TRAK2: variants seen among roughly 807,000 people sequenced by gnomAD.
TRAK2 encodes the protein trafficking kinesin protein 2, also known as trafficking kinesin-binding protein 2.
A neutral mutation model predicts 104.6 loss-of-function variants in TRAK2; 81 were observed. The ratio of observed to expected loss-of-function variants is 0.77; its 90% CI spans 0.65 to 0.93. The LOEUF (loss-of-function observed/expected upper bound fraction) is 0.93. Among genes scored for constraint, TRAK2 ranks in the 40% least tolerant of loss-of-function variants. The probability of loss-of-function intolerance (pLI) is 0.00; values close to 1 mark genes in which losing one functional copy is unlikely to be tolerated. For missense variants in TRAK2, 1,002 were observed against 1,089.0 expected, an observed-to-expected ratio of 0.92 and a Z score of 1.12; for synonymous variants, 406 against 394.4, an observed-to-expected ratio of 1.03 and a Z score of -0.35.
At chr2:201,407,815 G>A (rs1028148513) in intron 2 of TRAK2, among the ~76,000 whole-genome samples, 3 of 151,110 alleles carry the variant, frequency 2.0e-5, no homozygotes, top group African/African-American at 7.3e-5. Flanking sequence ...AAGTAAAAAT[G>A]ATGGCATACA....
rs1450140983 is a variant in TRAK2 at position 201,407,523 on chromosome 2, G to A, written c.166C>T (p.Leu56=). Residue 56 remains leucine, a synonymous_variant, in exon 3 of 16, where the codon CTA becomes TTA. Coordinates refer to ENST00000332624, the MANE Select transcript of TRAK2 (RefSeq NM_015049.3). The part of the protein sequence containing the change: ...LLEEQLPQYR[L]KVDTLFLYEN... ...TATAGAAAGAGAGTGTCTACTTTTAGCCTATACTGTGGTAGTTGTTCTTCT... is the reference window on the plus strand; with the variant it reads ...TATAGAAAGAGAGTGTCTACTTTTAACCTATACTGTGGTAGTTGTTCTTCT... 6.2e-7 allele frequency: 1 copy of A among 1,613,986 alleles called. No homozygotes were observed. The highest frequency in any genetic ancestry group is 1.3e-5 in the African/African-American group (1 of 74,910).
chr2:201,437,344 C>T (rs1253426661), intron 1 of TRAK2, among the ~76,000 whole-genome samples: 2 of 152,132 alleles, frequency 1.3e-5, no homozygotes, highest in African/African-American at 4.8e-5. Flanking sequence ...CTCCTTCTCT[C>T]CTCTGGAATC....
chr2:201,410,945 A>G (rs1299729847), intron 2 of TRAK2: 4 of 1,571,708 alleles, frequency 2.5e-6, no homozygotes, highest in Non-Finnish European at 3.5e-6. Context: ...TGCTTGGACT[A>G]CTGTAGAAGT....
chr2:201,394,281 A>C (rs1951477134), intron 9 of TRAK2, among the ~76,000 whole-genome samples: 1 of 152,104 alleles, frequency 6.6e-6, no homozygotes, highest in Non-Finnish European at 1.5e-5. Context: ...CTATTAATCA[A>C]GAAGGATGTT....
intron 2 of TRAK2, chr2:201,411,999 G>A: frequency 1.0e-6 from 1 of 977,174 alleles, no homozygotes; most frequent in African/African-American, 1.6e-5. Flanking sequence ...ATCTCATTGG[G>A]AGGGGTTTTG....
In TRAK2 at chr2:201,424,632, T is replaced by C. The variant is rs578125435; in HGVS notation, c.-199-3926A>G. ...TTTTTTTTGTTTTTGAGACAGAGTC[T>C]CACTCTTTCGCCCAGGCCGGACTGC... is the stretch of plus-strand genomic sequence containing the variant. On this transcript the variant is annotated intron_variant, in intron 1 of 15. Transcript: ENST00000332624. Among the ~76,000 whole-genome samples the C allele has an allele frequency of 2.5e-3, 374 of 151,634 alleles. 2 individuals are homozygous for C. The highest frequency in any genetic ancestry group is 8.4e-3 in the African/African-American group (345 of 41,316).
rs553222487 is a variant in TRAK2, at chr2:201,384,947, T to A, written c.1964-731A>T. ...CTTGTGCAACTGATTTGAAATTTTC[T>A]CATGGAATACCATTTTTACTTGAAA... On this transcript the variant is annotated intron_variant, in intron 14 of 15. Transcript: ENST00000332624. Among the ~76,000 whole-genome samples, 7 of 152,312 alleles carry A rather than the reference T, an allele frequency of 4.6e-5. No individual in the cohort carries two copies. The South Asian group carries it at 1.5e-3, about 32-fold the overall frequency.
At chr2:201,437,959 G>GTGGAC (rs1951891267) in intron 1 of TRAK2, among the ~76,000 whole-genome samples, 5 of 152,306 alleles carry the variant, frequency 3.3e-5, no homozygotes, top group African/African-American at 1.2e-4. Context: ...CTTGGCAGTT[G>GTGGAC]TACTGTATAT....
chr2:201,418,045 A>T (rs1408809812), intron 2 of TRAK2, among the ~76,000 whole-genome samples: 1 of 152,258 alleles, frequency 6.6e-6, no homozygotes, highest in Non-Finnish European at 1.5e-5. Flanking sequence ...GAAATTAAAG[A>T]GGACCTAAGT....
chr2:201,421,103 TTAAA>T (rs1408827503), intron 1 of TRAK2, among the ~76,000 whole-genome samples: 9 of 152,236 alleles, frequency 5.9e-5, no homozygotes, highest in African/African-American at 2.2e-4. Flanking sequence ...TTAATTATAT[TTAAA>T]TAAAGGTGTT....
intron 1 of TRAK2, among the ~76,000 whole-genome samples, chr2:201,433,288 C>T (rs1006020511): frequency 1.3e-5 from 2 of 152,162 alleles, no homozygotes; most frequent in African/African-American, 2.4e-5. Context: ...ACCGATGCCG[C>T]GGGAAAGCTA....
In TRAK2 at chr2:201,385,049, C is replaced by A. The variant is rs185349371; in HGVS notation, c.1964-833G>T. ...TTAAAAATGAATGAAGTGAGCCTGT[C>A]CTTCAAGAAAAACAGCTAACAAAAT... On this transcript the variant is annotated intron_variant, in intron 14 of 15. Coordinates refer to ENST00000332624, the MANE Select transcript of TRAK2 (RefSeq NM_015049.3). 5.9e-5 allele frequency among the ~76,000 whole-genome samples: 9 copies of A among 152,230 alleles called. No homozygotes were observed. The East Asian group carries it at 1.7e-3, about 29-fold the overall frequency.
chr2:201,398,285 C>T lies in TRAK2; in HGVS notation c.550G>A (p.Glu184Lys). The change falls in exon 6 of 16, where the codon GAA becomes AAA. Residue 184 changes from glutamate (E) to lysine (K), a missense_variant. Physicochemically the swap from Glu to Lys is moderately conservative, Grantham distance 56 (BLOSUM62 1). Coordinates refer to ENST00000332624, the MANE Select transcript of TRAK2 (RefSeq NM_015049.3). ...GAACAGCTGGAATCAGTTTCACTTT[C>T]TTCAGAAGCAATGGAGACGATTCGA... ...LLRIVSIASE[E>K]SETDSSCSTP... 2 of 1,613,658 alleles carry T rather than the reference C, an allele frequency of 1.2e-6. No homozygotes were observed. The highest frequency in any genetic ancestry group is 1.7e-6 in the Non-Finnish European group (2 of 1,179,698).
Position 201,380,193 on chromosome 2 carries a change from C to T in TRAK2, c.*350G>A, listed in dbSNP as rs1252280070. ...CTGGGTTCTCTCTGCTTTATGCTTA[C>T]CAGAAGTAAATGTGCCAGCAAGTTC... On this transcript the variant is annotated 3_prime_UTR_variant, in exon 16 of 16. Transcript: ENST00000332624. The T allele has an allele frequency of 3.6e-6, 1 of 276,234 alleles. No homozygotes were observed. The highest frequency in any genetic ancestry group is 2.2e-5 in the African/African-American group (1 of 45,900). 17.1% of individuals were successfully genotyped at this position (276,234 alleles called of 1,614,324 possible). A position where few individuals can be genotyped will look rare whatever the true frequency, so the allele number is the denominator to read the frequency against.
At chr2:201,395,269 T>A (rs944676694) in intron 8 of TRAK2, 45 bp downstream of exon 8, 1 of 1,526,316 alleles carries the variant, frequency 6.6e-7, no homozygotes, top group Admixed American at 1.7e-5. Context: ...CAAGATACTA[T>A]GTGAGTGCTT....
chr2:201,398,092 C>G, intron 6 of TRAK2, 53 bp downstream of exon 6: 1 of 1,557,324 alleles, frequency 6.4e-7, no homozygotes, highest in Admixed American at 1.7e-5. Context: ...GTACCTGGAC[C>G]TGAACTTTAT....
intron 2 of TRAK2, chr2:201,413,040 G>A: frequency 1.3e-6 from 1 of 787,618 alleles, no homozygotes; most frequent in African/African-American, 1.7e-5. Context: ...CGAGTTAAGT[G>A]TTGGACTCCT....
chr2:201,402,689 T>C (rs1041647030), intron 3 of TRAK2, among the ~76,000 whole-genome samples: 2 of 152,186 alleles, frequency 1.3e-5, no homozygotes, highest in African/African-American at 4.8e-5. Flanking sequence ...TGGTCTCCTT[T>C]ACTTCTGGTC....
Position 201,398,178 on chromosome 2 carries a change from T to A in TRAK2, c.657A>T (p.Glu219Asp). 3.1e-6 allele frequency: 5 copies of A among 1,613,734 alleles called. No homozygotes were observed. Among genetic ancestry groups the A allele is most frequent in the Non-Finnish European group, 4.2e-6 (5 of 1,179,678 alleles). ...QLEMLQEKLK[E>D]LEEENMALRS... The stretch of plus-strand genomic sequence containing the variant: ...GAAGAGCCATATTCTCTTCTTCCAG[T>A]TCCTTGAGCTTTTCTTGCAGCATTT... The change falls in exon 6 of 16, where the codon GAA (glutamate) becomes GAT (aspartate). Residue 219 changes from glutamate to aspartate, a missense_variant. Transcript: ENST00000332624.
Sources: allele counts gnomAD v4.1 joint callset (sites outside exome capture counted in the v4.1 genomes callset), GRCh38; gene constraint gnomAD v4.1.1; transcripts MANE v1.5; gene names NCBI Gene and HGNC (gene_info 2026-07-23, HGNC 2026-07-21).